Variants in CAMTA1 observed in about 807,000 individuals in gnomAD.
CAMTA1 encodes the protein calmodulin binding transcription activator 1, also known as calmodulin-binding transcription activator 1.
In CAMTA1, 27 loss-of-function variants were observed where a neutral mutation model predicts 170.9. The ratio of observed to expected loss-of-function variants is 0.16; its 90% confidence interval spans 0.12 to 0.22. The LOEUF (loss-of-function observed/expected upper bound fraction) is 0.22, where lower values mean the gene tolerates loss of function less well. CAMTA1 is among the 10% of genes least tolerant of loss of function. The probability of loss-of-function intolerance (pLI) is 1.00; values close to 1 mark genes in which losing one functional copy is unlikely to be tolerated. For missense variants in CAMTA1, 1,619 were observed against 2,217.2 expected, an observed-to-expected ratio of 0.73 and a Z score of 5.42; for synonymous variants, 833 against 891.5, an observed-to-expected ratio of 0.93 and a Z score of 1.17.
chr1:7,402,520 T>C (rs74053244), intron 5 of CAMTA1, among the ~76,000 whole-genome samples: 4,615 of 152,290 alleles, frequency 0.03, 157 homozygotes, highest in African/African-American at 0.081. Flanking sequence ...GAGGAGGGCA[T>C]CTTTTCTGTG....
chr1:7,104,009 A>G (rs1643241264), intron 4 of CAMTA1, among the ~76,000 whole-genome samples: 1 of 149,194 alleles, frequency 6.7e-6, no homozygotes, highest in Admixed American at 6.7e-5. Context: ...AACACAACAC[A>G]CTACACACAT....
intron 4 of CAMTA1, among the ~76,000 whole-genome samples, chr1:7,137,486 T>G (rs1645609942): frequency 6.6e-6 from 1 of 152,146 alleles, no homozygotes; most frequent in East Asian, 1.9e-4. Context: ...CTGTGCTAAC[T>G]GGTCTTATTT....
chr1:7,476,299 G>A (rs1167113584), intron 6 of CAMTA1, among the ~76,000 whole-genome samples: 1 of 152,244 alleles, frequency 6.6e-6, no homozygotes, highest in Non-Finnish European at 1.5e-5. Flanking sequence ...GGAGGACCCT[G>A]TGGTGTCAAA....
At chr1:7,018,854 C>G (rs1572475658) in intron 3 of CAMTA1, among the ~76,000 whole-genome samples, 1 of 152,298 alleles carries the variant, frequency 6.6e-6, no homozygotes, top group Non-Finnish European at 1.5e-5. Context: ...GTCTGGCTAG[C>G]CTGACCTGGT....
At chr1:7,335,422 C>T (rs953503394) in intron 5 of CAMTA1, among the ~76,000 whole-genome samples, 1 of 152,128 alleles carries the variant, frequency 6.6e-6, no homozygotes. Flanking sequence ...CCTGTCAGTG[C>T]CTTGGGACGT....
At chr1:7,640,606 C>T in intron 7 of CAMTA1, 53 bp downstream of exon 7, 1 of 1,609,908 alleles carries the variant, frequency 6.2e-7, no homozygotes, top group Non-Finnish European at 8.5e-7. Flanking sequence ...AGGCTGGCAT[C>T]AACCAGGCGG....
chr1:7,671,099 G>T, intron 10 of CAMTA1, 62 bp downstream of exon 10: 1 of 1,588,888 alleles, frequency 6.3e-7, no homozygotes, highest in Non-Finnish European at 8.6e-7. Flanking sequence ...CACTGGACTC[G>T]GAGTTGGCCT....
chr1:7,372,617 C>T (rs1015076865), intron 5 of CAMTA1, among the ~76,000 whole-genome samples: 1 of 152,190 alleles, frequency 6.6e-6, no homozygotes, highest in African/African-American at 2.4e-5. Flanking sequence ...TCATCACCGT[C>T]AGTGTTAATA....
chr1:7,719,737 G>A (rs939690592), intron 11 of CAMTA1, among the ~76,000 whole-genome samples: 14 of 152,132 alleles, frequency 9.2e-5, no homozygotes, highest in Non-Finnish European at 1.3e-4. Context: ...ATATACTCTC[G>A]TGGCACCATT....
chr1:7,191,437 T>C (rs1654506247), intron 4 of CAMTA1, among the ~76,000 whole-genome samples: 1 of 152,244 alleles, frequency 6.6e-6, no homozygotes, highest in Non-Finnish European at 1.5e-5. Context: ...TGTTGCGTTT[T>C]CAAGAAGCGT....
intron 6 of CAMTA1, among the ~76,000 whole-genome samples, chr1:7,564,901 G>A (rs560180804): frequency 6.6e-6 from 1 of 152,064 alleles, no homozygotes; most frequent in East Asian, 1.9e-4. Context: ...GAAAAAAATA[G>A]TCAAGGAGAA....
At chr1:7,104,288 A>G (rs1479199391) in intron 4 of CAMTA1, among the ~76,000 whole-genome samples, 3 of 152,094 alleles carry the variant, frequency 2.0e-5, no homozygotes, top group Non-Finnish European at 4.4e-5. Flanking sequence ...CAAAACAAAT[A>G]TTCAACACAA....
intron 4 of CAMTA1, among the ~76,000 whole-genome samples, chr1:7,105,397 A>G (rs1368754069): frequency 6.6e-6 from 1 of 152,258 alleles, no homozygotes; most frequent in Non-Finnish European, 1.5e-5. Flanking sequence ...CGCAGAAGTC[A>G]CATTGCCATC....
chr1:7,454,833 G>T (rs1311331496), intron 5 of CAMTA1, among the ~76,000 whole-genome samples: 17 of 152,084 alleles, frequency 1.1e-4, no homozygotes, highest in Admixed American at 1.0e-3. Flanking sequence ...GTTAAAGGAA[G>T]GTTGGCTTCT....
rs554019954 is a variant in CAMTA1, at chr1:7,754,126, C to G, written c.4959-1512C>G. 3.5e-3 allele frequency among the ~76,000 whole-genome samples: 533 copies of G among 152,308 alleles called. 4 individuals carry two copies. The highest frequency in any genetic ancestry group is 0.012 in the African/African-American group (517 of 41,568). ...TCATAGTTCCTTCCTCCCTTTTCCT[C>G]TTCGACCTGCAAAATGAAAAACCTG... On this transcript the variant is annotated intron_variant, in intron 21 of 22. Coordinates refer to ENST00000303635, the MANE Select transcript of CAMTA1 (RefSeq NM_015215.4).
At chr1:7,670,875 A>C (rs772357749) in intron 9 of CAMTA1, 36 bp from the exon 10 acceptor site, 1 of 1,608,164 alleles carries the variant, frequency 6.2e-7, no homozygotes, top group African/African-American at 1.3e-5. Flanking sequence ...ACAGTGGCTC[A>C]CACTCCAACT....
At chr1:7,043,700 A>T (rs559160456) in intron 3 of CAMTA1, among the ~76,000 whole-genome samples, 1 of 152,020 alleles carries the variant, frequency 6.6e-6, no homozygotes, top group South Asian at 2.1e-4. Context: ...TGGCTCCTGA[A>T]GGTTGGTTCC....
chr1:6,988,989 A>T (rs1322035977), intron 3 of CAMTA1, among the ~76,000 whole-genome samples: 2 of 152,152 alleles, frequency 1.3e-5, no homozygotes, highest in Non-Finnish European at 2.9e-5. Flanking sequence ...ATGGTGTCCC[A>T]ATGGGGAGGC....
At chr1:6,937,765 A>G (rs1162820962) in intron 3 of CAMTA1, among the ~76,000 whole-genome samples, 2 of 149,562 alleles carry the variant, frequency 1.3e-5, no homozygotes, top group Admixed American at 6.7e-5. Context: ...CACTATCACC[A>G]TCACCATTCA....
Sources: gnomAD v4.1 joint callset for allele counts (sites outside exome capture counted in the v4.1 genomes callset) on GRCh38, gnomAD v4.1.1 for gene constraint, MANE v1.5 for transcripts, NCBI Gene and HGNC (gene_info 2026-07-23, HGNC 2026-07-21) for gene names.